The following RALGAPA1 variants were observed in gnomAD, a reference collection of about 807,000 sequenced individuals.
The protein encoded by RALGAPA1 is ral GTPase-activating protein subunit alpha-1.
A neutral mutation model predicts 269.6 loss-of-function variants in RALGAPA1; 52 were observed. That is an observed-to-expected ratio of 0.19 (90% CI 0.15 to 0.24). The LOEUF is 0.24. Ranked by LOEUF, RALGAPA1 falls within the 10% of genes least tolerant of loss-of-function variation. RALGAPA1 has a pLI of 1.00. For synonymous variants in RALGAPA1, 817 were observed against 1,008.3 expected (o/e 0.81, Z 3.60); for missense variants, 1,917 against 3,013.9 (o/e 0.64, Z 8.52).
At chr14:35,787,773 G>T (rs1251466686) in intron 1 of RALGAPA1, among the ~76,000 whole-genome samples, 1 of 151,466 alleles carries the variant, frequency 6.6e-6, no homozygotes, top group Non-Finnish European at 1.5e-5. Context: ...TAGAGATGGG[G>T]GTCTCACTAT....
chr14:35,808,688 C>T (rs946294839), intron 1 of RALGAPA1, 42 bp downstream of exon 1: 5 of 1,578,840 alleles, frequency 3.2e-6, no homozygotes, highest in South Asian at 2.3e-5. Flanking sequence ...GAGGGAAGGC[C>T]GGGCAACCCA....
At chr14:35,643,359 T>G (rs1250313408) in intron 31 of RALGAPA1, among the ~76,000 whole-genome samples, 2 of 151,772 alleles carry the variant, frequency 1.3e-5, no homozygotes, top group Middle Eastern at 3.2e-3. Flanking sequence ...TAAAATAAAA[T>G]GGGTTTATCC....
chr14:35,543,432 A>T (rs912214856), intron 41 of RALGAPA1, among the ~76,000 whole-genome samples: 6 of 152,226 alleles, frequency 3.9e-5, no homozygotes, highest in African/African-American at 1.4e-4. Flanking sequence ...TTATTGTTCA[A>T]ATGTGAAAAG....
intron 4 of RALGAPA1, among the ~76,000 whole-genome samples, chr14:35,763,955 T>G (rs1299782730): frequency 6.6e-6 from 1 of 152,198 alleles, no homozygotes; most frequent in African/African-American, 2.4e-5. Flanking sequence ...TGCTCTAATA[T>G]TTGATAATCT....
chr14:35,747,402 C>A (rs775437385), intron 10 of RALGAPA1, among the ~76,000 whole-genome samples: 1 of 152,168 alleles, frequency 6.6e-6, no homozygotes, highest in Admixed American at 6.5e-5. Context: ...CATAATTTGT[C>A]AAATGTCTTT....
intron 35 of RALGAPA1, among the ~76,000 whole-genome samples, chr14:35,625,133 A>G (rs1488302549): frequency 2.3e-5 from 3 of 132,144 alleles, no homozygotes; most frequent in African/African-American, 9.2e-5. Flanking sequence ...CCTGGGTGAC[A>G]GTGGGAGACT....
chr14:35,725,078 G>A lies in RALGAPA1; in HGVS notation c.1812C>T (p.Phe604=), dbSNP rs771790832. The change falls in exon 14 of 42, where the codon TTC becomes TTT. Residue 604 remains phenylalanine (F), a synonymous_variant. Transcript: ENST00000680220. ...LKMPSQAFLQ[F]QGKKNMTLAG... ...CCAAGGTCATATTTTTTTTCCCTTG[G>A]AACTGTAGAAAAGCTTGTGATGGCA... 8.7e-6 allele frequency: 14 copies of A among 1,607,120 alleles called. No homozygotes were observed. Among genetic ancestry groups the A allele is most frequent in the African/African-American group, 1.3e-5 (1 of 74,546 alleles).
chr14:35,677,378 T>C (rs1490976755), intron 22 of RALGAPA1: 2 of 153,880 alleles, frequency 1.3e-5, no homozygotes. Context: ...CTGATGTTTG[T>C]TACATTATAC....
intron 27 of RALGAPA1, 51 bp from the exon 28 acceptor site, chr14:35,659,247 C>T (rs1288779652): frequency 7.4e-7 from 1 of 1,359,948 alleles, no homozygotes; most frequent in South Asian, 1.2e-5. Flanking sequence ...TTCACTCATT[C>T]ATTCTACAAA....
Position 35,770,313 on chromosome 14 carries a change from T to C in RALGAPA1, c.325+629A>G, listed in dbSNP as rs111304200. Among the ~76,000 whole-genome samples, 67 of 152,272 alleles carry C rather than the reference T, an allele frequency of 4.4e-4. 2 individuals carry two copies. The highest frequency in any genetic ancestry group is 1.4e-3 in the African/African-American group (58 of 41,570). On this transcript the variant is annotated intron_variant, in intron 4 of 41. Coordinates refer to ENST00000680220, the MANE Select transcript of RALGAPA1 (RefSeq NM_001346249.2). ...CAAAAACACTACAGCTAAAATCACATATAATGGTGAAGACTGACCATTATC... is the reference window on the plus strand; with the variant it reads ...CAAAAACACTACAGCTAAAATCACACATAATGGTGAAGACTGACCATTATC...
intron 37 of RALGAPA1, among the ~76,000 whole-genome samples, chr14:35,581,879 C>T (rs1368803353): frequency 1.3e-5 from 2 of 152,074 alleles, no homozygotes; most frequent in South Asian, 2.1e-4. Flanking sequence ...AATTCCACTC[C>T]TAGCTATATA....
intron 3 of RALGAPA1, 52 bp downstream of exon 3, chr14:35,774,954 G>A (rs939414242): frequency 3.7e-6 from 4 of 1,085,682 alleles, no homozygotes; most frequent in African/African-American, 1.6e-5. Context: ...TCCTTTGTAT[G>A]TTCCAAAAAT....
rs781292542 is a variant in RALGAPA1, at chr14:35,756,908, G to A, written c.548C>T (p.Thr183Ile). Residue 183 changes from threonine (T) to isoleucine (I), a missense_variant and splice_region_variant, in exon 7 of 42, where the codon ACT becomes ATT. Thr to Ile is a moderately conservative substitution (Grantham distance 89, BLOSUM62 -1). Coordinates refer to ENST00000680220, the MANE Select transcript of RALGAPA1 (RefSeq NM_001346249.2). ...LINPPLNLQE[T>I]QVTIEEITPL... is the part of the protein sequence containing the mutation. ...AGTGATTTCTTCTATAGTGACTTGAGCTATCCAAAGACAAAAGAATAGTAT... is the reference window on the plus strand; with the variant it reads ...AGTGATTTCTTCTATAGTGACTTGAACTATCCAAAGACAAAAGAATAGTAT... 1.3e-6 allele frequency: 2 copies of A among 1,599,852 alleles called. No homozygotes were observed. The highest frequency in any genetic ancestry group is 1.7e-4 in the Middle Eastern group (1 of 5,812).
rs775499590 is a variant in RALGAPA1, at chr14:35,688,632, T to C, written c.3779A>G (p.His1260Arg). ...GSRSTLRSSS[H>R]EAGLQQGSLG... ...GGAGCCCTGCTGTAGTCCTGCCTCATGACTTGATGACCTAAGAGTACTACG... is the reference window on the plus strand; with the variant it reads ...GGAGCCCTGCTGTAGTCCTGCCTCACGACTTGATGACCTAAGAGTACTACG... Residue 1260 changes from histidine to arginine, a missense_variant, in exon 18 of 42, where the codon CAT (histidine) becomes CGT (arginine). Physicochemically the swap from His to Arg is conservative, Grantham distance 29. Coordinates refer to ENST00000680220, the MANE Select transcript of RALGAPA1 (RefSeq NM_001346249.2). 2.0e-6 allele frequency: 3 copies of C among 1,533,514 alleles called. No homozygotes were observed. The highest frequency in any genetic ancestry group is 2.6e-6 in the Non-Finnish European group (3 of 1,146,216). The allele number at this position is 1,533,514 out of a possible 1,614,324, so 95.0% of individuals were successfully genotyped here.
chr14:35,672,780 CT>C, intron 25 of RALGAPA1, 86 bp downstream of exon 25: 3 of 1,269,404 alleles, frequency 2.4e-6, no homozygotes, highest in Non-Finnish European at 2.1e-6. Flanking sequence ...ACTTCTAGAC[CT>C]TAAAAAGCAA....
chr14:35,570,782 TACAG>T lies in RALGAPA1; in HGVS notation c.7369-42_7369-39del, dbSNP rs747127644. On this transcript the variant is annotated intron_variant, in intron 38 of 41. Transcript: ENST00000680220. ...TCAGAACATAATTTTACATTCAAAT[TACAG>T]ACAGATTGTAAATAAGAGCAATCAA... 7.7e-6 allele frequency: 12 copies of T among 1,558,180 alleles called. No individual in the cohort carries two copies. In the East Asian group the frequency reaches 1.6e-4, roughly 21 times the overall value.
chr14:35,702,802 C>A (rs2067477752), intron 16 of RALGAPA1, among the ~76,000 whole-genome samples: 1 of 149,350 alleles, frequency 6.7e-6, no homozygotes, highest in Admixed American at 6.6e-5. Context: ...TGCAGTGGCG[C>A]GATCTCGGCT....
chr14:35,626,910 A>G (rs2061024448), intron 34 of RALGAPA1, among the ~76,000 whole-genome samples, 180 bp downstream of exon 34: 1 of 152,062 alleles, frequency 6.6e-6, no homozygotes, highest in Admixed American at 6.6e-5. Context: ...GGATTATTTT[A>G]TTCCCCTGAA....
intron 17 of RALGAPA1, among the ~76,000 whole-genome samples, chr14:35,691,582 T>C (rs1276503226): frequency 6.6e-6 from 1 of 152,208 alleles, no homozygotes; most frequent in African/African-American, 2.4e-5. Context: ...ATTCTTACTC[T>C]AGATTTTGAG....
Sources: gnomAD v4.1 joint callset for allele counts (sites outside exome capture counted in the v4.1 genomes callset) on GRCh38, gnomAD v4.1.1 for gene constraint, MANE v1.5 for transcripts, NCBI Gene and HGNC (gene_info 2026-07-23, HGNC 2026-07-21) for gene names.